Variants in SNAP91 observed in about 807,000 individuals in gnomAD.
SNAP91 encodes synaptosome associated protein 91.
In SNAP91, 27 loss-of-function variants were observed where a neutral mutation model predicts 100.3. The observed-to-expected ratio is 0.27, with a 90% confidence interval of 0.20 to 0.37. The LOEUF is 0.37. Among genes scored for constraint, SNAP91 ranks in the 10% least tolerant of loss-of-function variants. The pLI, the probability that SNAP91 is intolerant of heterozygous loss-of-function variation, is 1.00. For missense variants in SNAP91, 986 were observed against 1,123.7 expected (o/e 0.88, Z 1.75); for synonymous variants, 404 against 398.6 (o/e 1.01, Z -0.16).
At chr6:83,565,271 C>A (rs1366899745) in intron 26 of SNAP91, among the ~76,000 whole-genome samples, 1 of 152,004 alleles carries the variant, frequency 6.6e-6, no homozygotes, top group Non-Finnish European at 1.5e-5. Flanking sequence ...GACAAAAGTT[C>A]ATCACCAGAG....
chr6:83,612,106 T>A (rs1322881019), intron 11 of SNAP91, among the ~76,000 whole-genome samples: 2 of 152,084 alleles, frequency 1.3e-5, no homozygotes, highest in Non-Finnish European at 2.9e-5. Flanking sequence ...TTAAAATGAA[T>A]ATAAACAACA....
intron 16 of SNAP91, among the ~76,000 whole-genome samples, chr6:83,600,637 A>T (rs529315254): frequency 6.6e-6 from 1 of 152,348 alleles, no homozygotes; most frequent in South Asian, 2.1e-4. Flanking sequence ...TTTTTAGACA[A>T]TCATTTCAAA....
intron 16 of SNAP91, among the ~76,000 whole-genome samples, chr6:83,600,447 C>A (rs1459983124): frequency 6.6e-6 from 1 of 152,104 alleles, no homozygotes; most frequent in Admixed American, 6.6e-5. Context: ...AATGAAGATA[C>A]ACAAAACTAT....
rs569054683 is a variant in SNAP91, at chr6:83,620,789, G to C, written c.807+2512C>G. On this transcript the variant is annotated intron_variant, in intron 9 of 29. Coordinates refer to ENST00000369694, the MANE Select transcript of SNAP91 (RefSeq NM_001242792.2). ...TACAGTGGCGCGATCTCGGCTCACT[G>C]TAAGCTCCACCTCCCGGGTTCACGC... 4.0e-3 allele frequency among the ~76,000 whole-genome samples: 602 copies of C among 151,674 alleles called. 3 individuals carry two copies. The highest frequency in any genetic ancestry group is 6.4e-3 in the Admixed American group (97 of 15,244).
chr6:83,631,840 T>C (rs12203802), intron 8 of SNAP91, among the ~76,000 whole-genome samples: 9,301 of 152,256 alleles, frequency 0.061, 286 homozygotes, highest in Middle Eastern at 0.085. Flanking sequence ...CATTCAATGT[T>C]AGTATTGAGA....
intron 16 of SNAP91, 131 bp downstream of exon 16, chr6:83,601,140 T>C (rs1382098268): frequency 1.4e-6 from 1 of 728,922 alleles, no homozygotes; most frequent in African/African-American, 1.8e-5. Flanking sequence ...TAAATATACA[T>C]GAATAAACAT....
intron 27 of SNAP91, 24 bp downstream of exon 27, chr6:83,560,840 T>C (rs1786159918): frequency 6.2e-7 from 1 of 1,603,184 alleles, no homozygotes; most frequent in Non-Finnish European, 8.5e-7. Context: ...TTGATTACAA[T>C]TTTTAGCACA....
chr6:83,648,039 G>A (rs561111988), intron 7 of SNAP91, among the ~76,000 whole-genome samples: 2 of 152,114 alleles, frequency 1.3e-5, no homozygotes, highest in Non-Finnish European at 2.9e-5. Flanking sequence ...GTTTTGGAGG[G>A]AGCATTAAAA....
chr6:83,702,036 C>T (rs1250109178), intron 2 of SNAP91, among the ~76,000 whole-genome samples: 1 of 152,126 alleles, frequency 6.6e-6, no homozygotes. Flanking sequence ...AGGGTAACTC[C>T]CACATTACAT....
At chr6:83,683,108 A>C (rs1320834992) in intron 2 of SNAP91, among the ~76,000 whole-genome samples, 3 of 152,056 alleles carry the variant, frequency 2.0e-5, no homozygotes, top group Admixed American at 2.0e-4. Flanking sequence ...TTTAAAAGTC[A>C]TATTTCCTGG....
At chr6:83,702,911 T>C (rs1751850056) in intron 2 of SNAP91, among the ~76,000 whole-genome samples, 1 of 152,194 alleles carries the variant, frequency 6.6e-6, no homozygotes, top group Non-Finnish European at 1.5e-5. Context: ...GTCACTCTGC[T>C]TCCCCTGCTC....
chr6:83,637,290 G>A (rs911304741), intron 8 of SNAP91, among the ~76,000 whole-genome samples: 4 of 152,204 alleles, frequency 2.6e-5, no homozygotes, highest in African/African-American at 9.7e-5. Flanking sequence ...TCTCCCTTTA[G>A]GGATGGTCCC....
At chr6:83,589,834 G>A (rs2093460434) in intron 22 of SNAP91, among the ~76,000 whole-genome samples, 1 of 152,164 alleles carries the variant, frequency 6.6e-6, no homozygotes, top group African/African-American at 2.4e-5. Context: ...GGGTCTTTTA[G>A]CATCTGCCAT....
chr6:83,691,968 A>T (rs186068096), intron 2 of SNAP91, among the ~76,000 whole-genome samples: 6 of 152,316 alleles, frequency 3.9e-5, no homozygotes, highest in African/African-American at 1.4e-4. Flanking sequence ...AACATTTATC[A>T]ACAAATAAAT....
intron 2 of SNAP91, among the ~76,000 whole-genome samples, chr6:83,703,528 T>A (rs574003376): frequency 6.6e-6 from 1 of 152,248 alleles, no homozygotes; most frequent in Non-Finnish European, 1.5e-5. Context: ...TTTTTGCAGA[T>A]ACTTTATGAA....
intron 22 of SNAP91, among the ~76,000 whole-genome samples, chr6:83,589,012 A>G (rs1291235305): frequency 1.3e-5 from 2 of 152,172 alleles, no homozygotes; most frequent in Non-Finnish European, 1.5e-5. Context: ...AAAGGCCAGA[A>G]TATTTGATTT....
intron 26 of SNAP91, among the ~76,000 whole-genome samples, chr6:83,570,481 G>T (rs1804915567): frequency 6.7e-6 from 1 of 150,030 alleles, no homozygotes; most frequent in Non-Finnish European, 1.5e-5. Flanking sequence ...ACACAATGGG[G>T]AAAATGTCTC....
Position 83,592,518 on chromosome 6 carries a change from A to T in SNAP91, c.1867T>A (p.Ser623Thr). 6.2e-7 allele frequency: 1 copy of T among 1,609,534 alleles called. No homozygotes were observed. Among genetic ancestry groups the T allele is most frequent in the Non-Finnish European group, 8.5e-7 (1 of 1,177,948 alleles). Residue 623 changes from serine (S) to threonine (T), a missense_variant, in exon 21 of 30, where the codon TCT becomes ACT. By Grantham distance (58) the Ser-to-Thr change is moderately conservative (BLOSUM62 1). Transcript: ENST00000369694. ...GCTGGCGAGGCAGTGGTTGCAGGAG[A>T]TGGTGCTGCAAATGCATCCACTGCA... is the stretch of plus-strand genomic sequence containing the variant. ...LLSVDAFAAP[S>T]PATTASPAKV... is the part of the protein sequence containing the mutation.
intron 9 of SNAP91, among the ~76,000 whole-genome samples, chr6:83,620,673 G>A (rs980137403): frequency 7.9e-5 from 12 of 151,660 alleles, no homozygotes; most frequent in African/African-American, 2.9e-4. Context: ...TCATATTCTT[G>A]TATTGAACTA....
Sources: allele counts gnomAD v4.1 joint callset (sites outside exome capture counted in the v4.1 genomes callset), GRCh38; gene constraint gnomAD v4.1.1; transcripts MANE v1.5; gene names NCBI Gene and HGNC (gene_info 2026-07-23, HGNC 2026-07-21).